ABCC3: variants seen among roughly 807,000 people sequenced by gnomAD.
ABCC3 encodes the protein ATP binding cassette subfamily C member 3.
Under a neutral mutation model 165.3 loss-of-function variants are expected in ABCC3, and 121 were observed. That is an observed-to-expected ratio of 0.73 (90% CI 0.63 to 0.85). The LOEUF (loss-of-function observed/expected upper bound fraction) is 0.85. Among genes scored for constraint, ABCC3 ranks in the 40% least tolerant of loss-of-function variants. The probability of loss-of-function intolerance (pLI) is 0.00; values close to 1 mark genes in which losing one functional copy is unlikely to be tolerated. For synonymous variants in ABCC3, 733 were observed against 810.1 expected (o/e 0.90, Z 1.62); for missense variants, 1,869 against 1,964.1 (o/e 0.95, Z 0.92).
At chr17:50,656,863 G>T (rs769295110) in intron 3 of ABCC3, 36 bp downstream of exon 3, 8 of 1,584,132 alleles carry the variant, frequency 5.1e-6, no homozygotes, top group Middle Eastern at 1.7e-4. Context: ...GATGGGGGAG[G>T]TCTCCATTGG....
chr17:50,665,921 C>T (rs1967517970), intron 11 of ABCC3, among the ~76,000 whole-genome samples: 1 of 151,742 alleles, frequency 6.6e-6, no homozygotes, highest in Non-Finnish European at 1.5e-5. Context: ...CTATTGAAGT[C>T]TACTAGCTTC....
Position 50,667,686 on chromosome 17 carries a change from C to T in ABCC3, c.1564C>T (p.Leu522Phe), listed in dbSNP as rs763902431. Residue 522 changes from leucine to phenylalanine, a missense_variant, in exon 12 of 31, where the codon CTC becomes TTC. Leu to Phe is a conservative substitution (Grantham distance 22). Coordinates refer to ENST00000285238, the MANE Select transcript of ABCC3 (RefSeq NM_003786.4). ...GGTGGAGGGCATCAGGCAGGGTGAGCTCCAGCTGCTGCGCACGGCGGCCTA... is the reference window on the plus strand; with the variant it reads ...GGTGGAGGGCATCAGGCAGGGTGAGTTCCAGCTGCTGCGCACGGCGGCCTA... ...KQVEGIRQGE[L>F]QLLRTAAYLH... is the part of the protein sequence containing the mutation. 21 of 1,614,142 alleles carry T rather than the reference C, an allele frequency of 1.3e-5. No individual in the cohort carries two copies. Among genetic ancestry groups the T allele is most frequent in the Non-Finnish European group, 1.7e-5 (20 of 1,180,034 alleles).
chr17:50,684,660 C>T lies in ABCC3; in HGVS notation c.4114-49C>T, dbSNP rs765416896. ...TTCCCTGGACCTGGGGCCTATGGCT[C>T]CTCATAGGGCCTAAGCTGCCTCCCT... On this transcript the variant is annotated intron_variant, in intron 28 of 30. Coordinates refer to ENST00000285238, the MANE Select transcript of ABCC3 (RefSeq NM_003786.4). The T allele has an allele frequency of 3.2e-6, 5 of 1,571,458 alleles. No homozygotes were observed. In the African/African-American group the frequency reaches 5.5e-5, roughly 17 times the overall value.
At chr17:50,651,752 G>C (rs1480923727) in intron 1 of ABCC3, among the ~76,000 whole-genome samples, 2 of 152,132 alleles carry the variant, frequency 1.3e-5, no homozygotes, top group Non-Finnish European at 1.5e-5. Context: ...TTCTGGTATA[G>C]GAAGGACATC....
intron 28 of ABCC3, among the ~76,000 whole-genome samples, chr17:50,684,466 C>G (rs1354233482): frequency 6.6e-6 from 1 of 152,116 alleles, no homozygotes; most frequent in Admixed American, 6.5e-5. Context: ...CGAGTGGACA[C>G]TTTGGAGTCA....
At chr17:50,687,210 T>A in intron 29 of ABCC3, 1 of 340,374 alleles carries the variant, frequency 2.9e-6, no homozygotes, top group South Asian at 5.5e-5. Flanking sequence ...TGTAAATGGC[T>A]GATAGAGTGA....
chr17:50,641,504 G>A (rs1966891906), intron 1 of ABCC3, among the ~76,000 whole-genome samples: 1 of 152,158 alleles, frequency 6.6e-6, no homozygotes, highest in Non-Finnish European at 1.5e-5. Context: ...CAAGAACTGT[G>A]GCCTTGGTAC....
Position 50,664,000 on chromosome 17 carries a change from T to G in ABCC3, c.1227T>G (p.Ile409Met). ...SVKRASTVGE[I>M]VNLMSVDAQR... ...AACGTGCGTCCACTGTGGGGGAAAT[T>G]GTCAACCTCATGTCAGTGGATGCCC... Residue 409 changes from isoleucine (I) to methionine (M), a missense_variant, in exon 10 of 31, where the codon ATT becomes ATG. Coordinates refer to ENST00000285238, the MANE Select transcript of ABCC3 (RefSeq NM_003786.4). 1 of 1,614,102 alleles carries G rather than the reference T, an allele frequency of 6.2e-7. No homozygotes were observed. The highest frequency in any genetic ancestry group is 1.1e-5 in the South Asian group (1 of 91,080).
Position 50,673,141 on chromosome 17 carries a change from G to T in ABCC3, c.2409+3G>T. 6.2e-7 allele frequency: 1 copy of T among 1,613,626 alleles called. No homozygotes were observed. Among genetic ancestry groups the T allele is most frequent in the South Asian group, 1.1e-5 (1 of 91,072 alleles). The stretch of plus-strand genomic sequence containing the variant: ...CAGAAGGCGTGCTGGCAGGCAAGGT[G>T]AGGCCTGCCAGAGGCTAAGGGGGCT... On this transcript the variant is annotated splice_donor_region_variant and intron_variant, in intron 18 of 30. Transcript: ENST00000285238.
At chr17:50,637,805 A>C (rs1003395865) in intron 1 of ABCC3, among the ~76,000 whole-genome samples, 1 of 152,232 alleles carries the variant, frequency 6.6e-6, no homozygotes, top group Non-Finnish European at 1.5e-5. Context: ...AGAAAGAAAA[A>C]TGGGGTTAGA....
At chr17:50,674,400 G>A (rs11658264) in intron 19 of ABCC3, 45,573 of 151,882 alleles carry the variant, frequency 0.3, 7,915 homozygotes, top group South Asian at 0.44. Context: ...AAGCATAGGA[G>A]GGCCCAGGCC....
At chr17:50,682,498 C>A (rs530190195) in intron 26 of ABCC3, among the ~76,000 whole-genome samples, 1 of 152,052 alleles carries the variant, frequency 6.6e-6, no homozygotes, top group South Asian at 2.1e-4. Flanking sequence ...CAGCCTCTTA[C>A]CTCTTGCCTT....
At position 50,675,361 on chromosome 17, in the gene ABCC3, G is replaced by A. The variant is rs775161519; in HGVS notation, c.2600-1G>A. On this transcript the variant is annotated splice_acceptor_variant, in intron 19 of 30. Transcript: ENST00000285238. LOFTEE classifies it high-confidence loss of function. ...ATCTCCTTCCTCCCACCCTACTGCA[G>A]CGTTGGAAGGTGCAGAGGATAAGGA... 5 of 1,608,462 alleles carry A rather than the reference G, an allele frequency of 3.1e-6. No homozygotes were observed.
At chr17:50,668,620 C>T in intron 14 of ABCC3, 103 bp downstream of exon 14, 1 of 987,562 alleles carries the variant, frequency 1.0e-6, no homozygotes, top group Middle Eastern at 2.1e-4. Context: ...TTTCTTCTTC[C>T]TCTGTTCACA....
At chr17:50,673,917 TTTC>T (rs1294743499) in intron 19 of ABCC3, among the ~76,000 whole-genome samples, 5 of 13,362 alleles carry the variant, frequency 3.7e-4, no homozygotes, top group Non-Finnish European at 6.9e-4. Flanking sequence ...TCTTTCTTTC[TTTC>T]TTTCTTTCTT....
At chr17:50,643,465 T>C (rs1966927799) in intron 1 of ABCC3, 1 of 447,916 alleles carries the variant, frequency 2.2e-6, no homozygotes, top group Admixed American at 2.4e-5. Context: ...GGGCCTTCAA[T>C]GAAATGCCCC....
chr17:50,676,065 C>T lies in ABCC3; in HGVS notation c.3042C>T (p.Val1014=), dbSNP rs1420237463. The T allele has an allele frequency of 6.2e-7, 1 of 1,614,068 alleles. No individual in the cohort carries two copies. Among genetic ancestry groups the T allele is most frequent in the African/African-American group, 1.3e-5 (1 of 74,918 alleles). Reference sequence around the variant, plus strand: ...ACAACACTTCCCTGAGGCTGGGCGTCTATGCTGCTTTAGGAATTCTGCAAG... The same window carrying T: ...ACAACACTTCCCTGAGGCTGGGCGTTTATGCTGCTTTAGGAATTCTGCAAG... ...RQNNTSLRLG[V]YAALGILQGF... The change falls in exon 22 of 31, where the codon GTC becomes GTT. Residue 1014 remains valine (V), a synonymous_variant. Coordinates refer to ENST00000285238, the MANE Select transcript of ABCC3 (RefSeq NM_003786.4).
chr17:50,673,960 CTT>C (rs771112215), intron 19 of ABCC3, among the ~76,000 whole-genome samples: 3 of 21,360 alleles, frequency 1.4e-4, no homozygotes, highest in South Asian at 1.8e-3. Flanking sequence ...TTCTTTCTTT[CTT>C]TCTTTCTTTC....
chr17:50,688,580 T>C (rs552850602), intron 30 of ABCC3: 1 of 152,304 alleles, frequency 6.6e-6, no homozygotes, highest in South Asian at 2.1e-4. Flanking sequence ...AAATGATGCT[T>C]CGTGGGATTG....
Sources: gnomAD v4.1 joint callset for allele counts (sites outside exome capture counted in the v4.1 genomes callset) on GRCh38, gnomAD v4.1.1 for gene constraint, MANE v1.5 for transcripts, NCBI Gene and HGNC (gene_info 2026-07-23, HGNC 2026-07-21) for gene names.